The following C10orf105 variants were observed in gnomAD, a reference collection of about 807,000 sequenced individuals.
C10orf105 encodes the protein chromosome 10 open reading frame 105.
In C10orf105, 2 loss-of-function variants were observed where a neutral mutation model predicts 0.6. That is an observed-to-expected ratio of 3.18 (90% CI 1.30 to 10.01). The LOEUF is 10.01. C10orf105 is among the 30% of genes most tolerant of loss of function. C10orf105 has a pLI of 0.04. For synonymous variants in C10orf105, 95 were observed against 82.4 expected, an observed-to-expected ratio of 1.15 and a Z score of -0.83; for missense variants, 209 against 191.4, an observed-to-expected ratio of 1.09 and a Z score of -0.54.
intron 1 of C10orf105, chr10:71,725,661 T>C (rs1866779304): frequency 9.7e-7 from 1 of 1,029,268 alleles, no homozygotes; most frequent in Non-Finnish European, 1.4e-6. Context: ...GGCCTAAGGG[T>C]TCGGTGACAG....
upstream of C10orf105, among the ~76,000 whole-genome samples, chr10:71,722,925 A>G (rs1283559724): frequency 6.6e-6 from 1 of 152,170 alleles, no homozygotes. Context: ...TGATATTCCC[A>G]CATTTTACTG....
At chr10:71,716,715 C>T (rs564145341) in intron 1 of C10orf105, 1 of 192,758 alleles carries the variant, frequency 5.2e-6, no homozygotes. Flanking sequence ...TGGCCAGGAA[C>T]GAGTTATGGA....
upstream of C10orf105, among the ~76,000 whole-genome samples, chr10:71,720,343 G>C (rs1435086992): frequency 6.6e-6 from 1 of 151,976 alleles, no homozygotes; most frequent in Non-Finnish European, 1.5e-5. Flanking sequence ...GAAAGCATAG[G>C]ACTGACGGAC....
Position 71,719,609 on chromosome 10 carries a change from A to C in C10orf105, c.-6+18T>G, listed in dbSNP as rs954837383. ...CTTCCCTCTCCAAGCCTTCTCCTGC[A>C]GTCCCCCAAGCACTGACCTCAGAGC... On this transcript the variant is annotated intron_variant, in intron 1 of 1. Transcript: ENST00000441508. The C allele has an allele frequency of 6.5e-6, 1 of 153,270 alleles. No individual in the cohort carries two copies. Among genetic ancestry groups the C allele is most frequent in the African/African-American group, 2.4e-5 (1 of 41,462 alleles). The allele number at this position is 153,270 out of a possible 1,614,324, so 9.5% of individuals were successfully genotyped here.
chr10:71,719,494 G>A (rs1318443347), intron 1 of C10orf105, 133 bp downstream of exon 1: 2 of 152,456 alleles, frequency 1.3e-5, no homozygotes, highest in Non-Finnish European at 2.9e-5. Context: ...ACTGGGCCTT[G>A]TTTCCCCTCT....
intron 1 of C10orf105, 94 bp from the exon 2 acceptor site, chr10:71,716,436 G>T: frequency 1.0e-6 from 1 of 995,868 alleles, no homozygotes; most frequent in Non-Finnish European, 1.5e-6. Flanking sequence ...GTGGATGGGG[G>T]CAAGGCACTG....
intron 1 of C10orf105, among the ~76,000 whole-genome samples, chr10:71,727,655 C>T (rs536384920): frequency 8.9e-4 from 136 of 152,204 alleles, no homozygotes; most frequent in African/African-American, 3.2e-3. Flanking sequence ...AGGGTGTTCA[C>T]GACACATACA....
At position 71,715,474 on chromosome 10, in the gene C10orf105, C is replaced by G. The variant is rs867583796; in HGVS notation, c.*462G>C. ...GTTTTGCCCCAGCACTGGGCCAGCA[C>G]AGATGCCAGGACAGTGTCTTGGCCC... On this transcript the variant is annotated 3_prime_UTR_variant, in exon 2 of 2. Coordinates refer to ENST00000441508, the MANE Select transcript of C10orf105 (RefSeq NM_001164375.3). The G allele has an allele frequency of 6.5e-6, 1 of 153,548 alleles. No homozygotes were observed. Among genetic ancestry groups the G allele is most frequent in the Non-Finnish European group, 1.4e-5 (1 of 68,974 alleles). 9.5% of individuals were successfully genotyped at this position (153,548 alleles called of 1,614,324 possible). A position where few individuals can be genotyped will look rare whatever the true frequency, so the allele number is the denominator to read the frequency against.
upstream of C10orf105, among the ~76,000 whole-genome samples, chr10:71,724,750 A>T (rs1032257018): frequency 4.6e-5 from 7 of 152,250 alleles, no homozygotes; most frequent in Admixed American, 1.3e-4. Flanking sequence ...ATCAGAATCC[A>T]GTGCCCATCC....
chr10:71,723,449 A>G (rs1258865298), upstream of C10orf105, among the ~76,000 whole-genome samples: 2 of 152,154 alleles, frequency 1.3e-5, no homozygotes, highest in East Asian at 3.8e-4. Flanking sequence ...ACATAAACAC[A>G]TAAGCCTGAG....
At chr10:71,718,438 C>G (rs1337175425) in intron 1 of C10orf105, among the ~76,000 whole-genome samples, 1 of 148,294 alleles carries the variant, frequency 6.7e-6, no homozygotes, top group East Asian at 2.1e-4. Flanking sequence ...AAGTGTGATG[C>G]CCGTCTAGCT....
At chr10:71,727,768 TGGCACAGCACTGGACA>T (rs1173721793) in intron 1 of C10orf105, among the ~76,000 whole-genome samples, 3 of 152,174 alleles carry the variant, frequency 2.0e-5, no homozygotes, top group African/African-American at 2.4e-5. Context: ...AGCACTGCAC[TGGCACAGCACTGGACA>T]GGCACAGCAC....
chr10:71,712,935 C>T lies in C10orf105; in HGVS notation c.*3001G>A, dbSNP rs555696795. The T allele has an allele frequency of 1.3e-4, 158 of 1,200,614 alleles. 1 individual carries two copies. Among genetic ancestry groups the T allele is most frequent in the Middle Eastern group, 1.2e-3 (5 of 4,334 alleles). The allele number at this position is 1,200,614 out of a possible 1,614,324, so 74.4% of individuals were successfully genotyped here. On this transcript the variant is annotated 3_prime_UTR_variant, in exon 2 of 2. Coordinates refer to ENST00000441508, the MANE Select transcript of C10orf105 (RefSeq NM_001164375.3). ...AGCAGGTGGGGGCCCAGGGTGGGTC[C>T]GCTGCTCTGGAAGGTGCTGTGGGGA...
intron 1 of C10orf105, chr10:71,725,550 C>A (rs1364064981): frequency 6.2e-7 from 1 of 1,602,924 alleles, no homozygotes; most frequent in Admixed American, 1.7e-5. Flanking sequence ...GGGGTGCTGA[C>A]CTCAGGACGG....
chr10:71,737,085 C>A (rs1564767011), intron 1 of C10orf105, among the ~76,000 whole-genome samples: 1 of 152,012 alleles, frequency 6.6e-6, no homozygotes, highest in East Asian at 1.9e-4. Flanking sequence ...TCACAAGGAC[C>A]CTTGTCTGTT....
At chr10:71,729,295 C>G (rs933770204) in intron 1 of C10orf105, among the ~76,000 whole-genome samples, 1 of 152,086 alleles carries the variant, frequency 6.6e-6, no homozygotes, top group Admixed American at 6.5e-5. Context: ...AACCCTGAGA[C>G]AAGGATTGGT....
rs972170744 is a variant in C10orf105, at chr10:71,715,702, C to T, written c.*234G>A. 19 of 403,182 alleles carry T rather than the reference C, an allele frequency of 4.7e-5. No individual in the cohort carries two copies. Among genetic ancestry groups the T allele is most frequent in the African/African-American group, 3.9e-4 (19 of 48,220 alleles). The allele number at this position is 403,182 out of a possible 1,614,324, so 25.0% of individuals were successfully genotyped here. ...TGACCACGAGTGCACATCTCTTGAC[C>T]AGAAGTCTTTCATCAAGCAGCAGCG... is the stretch of plus-strand genomic sequence containing the variant. On this transcript the variant is annotated 3_prime_UTR_variant, in exon 2 of 2. Coordinates refer to ENST00000441508, the MANE Select transcript of C10orf105 (RefSeq NM_001164375.3).
chr10:71,716,313 C>T lies in C10orf105; in HGVS notation c.25G>A (p.Ala9Thr), dbSNP rs979991212. The change falls in exon 2 of 2, where the codon GCC becomes ACC. Residue 9 changes from alanine (A) to threonine (T), a missense_variant. Physicochemically the swap from Ala to Thr is moderately conservative, Grantham distance 58 (BLOSUM62 0). Coordinates refer to ENST00000441508, the MANE Select transcript of C10orf105 (RefSeq NM_001164375.3). ...AGGGGGCTGATGGCTGGGGAGCTGG[C>T]GAGGCTGGGGCCCTCTGTGCTCATG... MSTEGPSL[A>T]SSPAISPLAF... 37 of 1,500,502 alleles carry T rather than the reference C, an allele frequency of 2.5e-5. No homozygotes were observed. Among genetic ancestry groups the T allele is most frequent in the Admixed American group, 1.1e-4 (5 of 46,190 alleles). The allele number at this position is 1,500,502 out of a possible 1,614,324, so 92.9% of individuals were successfully genotyped here.
intron 1 of C10orf105, among the ~76,000 whole-genome samples, chr10:71,731,193 T>G (rs1180302254): frequency 2.0e-5 from 3 of 152,218 alleles, no homozygotes; most frequent in Non-Finnish European, 4.4e-5. Flanking sequence ...CTGGGCTGTC[T>G]GGCCTGTACC....
Sources: allele counts gnomAD v4.1 joint callset (sites outside exome capture counted in the v4.1 genomes callset), GRCh38; gene constraint gnomAD v4.1.1; transcripts MANE v1.5; gene names NCBI Gene and HGNC (gene_info 2026-07-23, HGNC 2026-07-21).